The following ARHGEF10L variants were observed in gnomAD, a reference collection of about 807,000 sequenced individuals.
ARHGEF10L encodes Rho guanine nucleotide exchange factor 10 like.
A neutral mutation model predicts 141.2 loss-of-function variants in ARHGEF10L; 69 were observed. That is an observed-to-expected ratio of 0.49 (90% CI 0.40 to 0.60). The LOEUF (loss-of-function observed/expected upper bound fraction) is 0.60. ARHGEF10L is among the 20% of genes least tolerant of loss of function. The pLI is 0.00. For synonymous variants in ARHGEF10L, 711 were observed against 718.5 expected (o/e 0.99, Z 0.17); for missense variants, 1,482 against 1,734.3 (o/e 0.85, Z 2.58).
At chr1:17,632,547 G>A (rs376114429) in intron 16 of ARHGEF10L, 81 bp downstream of exon 16, 16 of 1,566,246 alleles carry the variant, frequency 1.0e-5, no homozygotes, top group South Asian at 2.3e-5. Context: ...TTGGCCGGCC[G>A]CACTACAGTG....
chr1:17,528,624 C>A, the ARHGEF10L span, among the ~76,000 whole-genome samples: 1 of 152,166 alleles, frequency 6.6e-6, no homozygotes, highest in Non-Finnish European at 1.5e-5. Flanking sequence ...ATCCATCCAT[C>A]CATCCTCCAT....
chr1:17,669,928 G>T (rs1007690963), intron 26 of ARHGEF10L, among the ~76,000 whole-genome samples: 1 of 152,152 alleles, frequency 6.6e-6, no homozygotes, highest in African/African-American at 2.4e-5. Context: ...CAGGGGAGGC[G>T]GGATCCCAGA....
At chr1:17,681,895 T>A (rs2064153013) in intron 26 of ARHGEF10L, among the ~76,000 whole-genome samples, 2 of 152,164 alleles carry the variant, frequency 1.3e-5, no homozygotes, top group African/African-American at 4.8e-5. Context: ...TAATTCTGCC[T>A]TGCCTTCTGC....
At position 17,673,244 on chromosome 1, in the gene ARHGEF10L, C is replaced by T. The variant is rs2063437508; in HGVS notation, c.3009+8649C>T. On this transcript the variant is annotated intron_variant, in intron 26 of 28. Transcript: ENST00000361221. The surrounding 1 kb of genome is among the most constrained non-coding windows in gnomAD (Gnocchi z 4.1). The stretch of plus-strand genomic sequence containing the variant: ...GGCAGTCCTGTCCTTGTGAGCCACC[C>T]CCCAGTCTTAGCTGGTAGCAGCCAG... Among the ~76,000 whole-genome samples, 1 of 152,050 alleles carries T rather than the reference C, an allele frequency of 6.6e-6. No homozygotes were observed. Among genetic ancestry groups the T allele is most frequent in the Admixed American group, 6.5e-5 (1 of 15,278 alleles).
At chr1:17,602,246 AC>A (rs1018450025) in intron 5 of ARHGEF10L, 28 bp downstream of exon 5, 2 of 1,549,854 alleles carry the variant, frequency 1.3e-6, no homozygotes, top group African/African-American at 2.7e-5. Context: ...CCCACCGCCC[AC>A]CCCAGGTAGC....
intron 9 of ARHGEF10L, among the ~76,000 whole-genome samples, chr1:17,617,782 G>A (rs2101285652): frequency 6.6e-6 from 1 of 152,252 alleles, no homozygotes; most frequent in South Asian, 2.1e-4. Context: ...TGGTGAGGAT[G>A]TCCTAGGTAG....
intron 4 of ARHGEF10L, among the ~76,000 whole-genome samples, chr1:17,592,898 C>A (rs960001683): frequency 6.6e-6 from 1 of 152,136 alleles, no homozygotes; most frequent in Non-Finnish European, 1.5e-5. Context: ...TTATGGGGAC[C>A]AGGTCTTTCT....
At position 17,619,728 on chromosome 1, in the gene ARHGEF10L, C is replaced by T. The variant is rs987891331; in HGVS notation, c.942+283C>T. Among the ~76,000 whole-genome samples the T allele has an allele frequency of 4.6e-5, 7 of 152,144 alleles. No homozygotes were observed. The highest frequency in any genetic ancestry group is 4.6e-4 in the Admixed American group (7 of 15,278). On this transcript the variant is annotated intron_variant, in intron 10 of 28. Coordinates refer to ENST00000361221, the MANE Select transcript of ARHGEF10L (RefSeq NM_018125.4). The surrounding 1 kb of genome is among the most constrained non-coding windows in gnomAD (Gnocchi z 5.0). ...CCAACTCCATGGCATGCAGAGCAGTCCCGTTGGCTGTTTCTGACTAAGGTG... is the reference window on the plus strand; with the variant it reads ...CCAACTCCATGGCATGCAGAGCAGTTCCGTTGGCTGTTTCTGACTAAGGTG...
the ARHGEF10L span, among the ~76,000 whole-genome samples, chr1:17,523,173 C>T: frequency 6.7e-6 from 1 of 150,030 alleles, no homozygotes; most frequent in Non-Finnish European, 1.5e-5. Flanking sequence ...GCAACGTCCA[C>T]CTCCTGAGTT....
intron 1 of ARHGEF10L, among the ~76,000 whole-genome samples, chr1:17,565,961 C>T (rs957788390): frequency 2.6e-5 from 4 of 152,082 alleles, no homozygotes; most frequent in Admixed American, 1.3e-4. Context: ...CACAGTCTAG[C>T]GGGGAGAGGC....
In ARHGEF10L at chr1:17,632,649, C is replaced by T. The variant is rs902140815; in HGVS notation, c.1730+183C>T. Among the ~76,000 whole-genome samples, 7 of 152,222 alleles carry T rather than the reference C, an allele frequency of 4.6e-5. 1 individual carries two copies. The East Asian group carries it at 1.2e-3, about 25-fold the overall frequency. On this transcript the variant is annotated intron_variant, in intron 16 of 28. Coordinates refer to ENST00000361221, the MANE Select transcript of ARHGEF10L (RefSeq NM_018125.4). ...ACTGGTCCCCAACGCTGGGAAGTAC[C>T]TGGAGCAGTCATCGGGGGCAGCCCT...
At chr1:17,515,079 G>A in the ARHGEF10L span, among the ~76,000 whole-genome samples, 1 of 152,150 alleles carries the variant, frequency 6.6e-6, no homozygotes, top group South Asian at 2.1e-4. Flanking sequence ...TGCCCAGCCT[G>A]CTTTCTTCAG....
intron 2 of ARHGEF10L, among the ~76,000 whole-genome samples, chr1:17,582,615 G>A (rs551232537): frequency 5.9e-5 from 9 of 152,318 alleles, no homozygotes; most frequent in East Asian, 5.8e-4. Context: ...TGGAATCCAC[G>A]CTTTAGTTGG....
chr1:17,603,996 TGGGCAGGC>T lies in ARHGEF10L; in HGVS notation c.433+406_433+413del, dbSNP rs1342425886. Among the ~76,000 whole-genome samples, 3 of 151,800 alleles carry T rather than the reference TGGGCAGGC, an allele frequency of 2.0e-5. No individual in the cohort carries two copies. Among genetic ancestry groups the T allele is most frequent in the Admixed American group, 2.0e-4 (3 of 15,258 alleles). On this transcript the variant is annotated intron_variant, in intron 6 of 28. Coordinates refer to ENST00000361221, the MANE Select transcript of ARHGEF10L (RefSeq NM_018125.4). This position sits in a 1 kb window ranked among gnomAD's most constrained non-coding sequence, Gnocchi z 4.8. ...CCCTGCTCTGGGTTGAGGGCTGAGG[TGGGCAGGC>T]AGGCAGGCGATTGTGGCCGCAGAAG... is the stretch of plus-strand genomic sequence containing the variant.
chr1:17,537,876 AAAG>A (rs1192300038), upstream of ARHGEF10L, among the ~76,000 whole-genome samples: 1 of 145,964 alleles, frequency 6.9e-6, no homozygotes, highest in Non-Finnish European at 1.5e-5. Flanking sequence ...AAAAAAAAAG[AAAG>A]AAAAGAAAAA....
At chr1:17,567,283 A>G (rs1020111734) in intron 1 of ARHGEF10L, among the ~76,000 whole-genome samples, 1 of 152,082 alleles carries the variant, frequency 6.6e-6, no homozygotes, top group African/African-American at 2.4e-5. Context: ...GTTACTTGGG[A>G]TGCTCCTGTG....
chr1:17,537,333 A>G (rs2076589227), upstream of ARHGEF10L, among the ~76,000 whole-genome samples: 2 of 152,188 alleles, frequency 1.3e-5, no homozygotes. Flanking sequence ...CTAGACCCAG[A>G]GGGTTATATT....
chr1:17,646,517 G>C (rs1419269746), intron 21 of ARHGEF10L, among the ~76,000 whole-genome samples: 2 of 152,152 alleles, frequency 1.3e-5, no homozygotes, highest in African/African-American at 4.8e-5. Context: ...GGGAGGTTTC[G>C]GCCTTCATAG....
chr1:17,544,816 A>C (rs886845612), intron 1 of ARHGEF10L, among the ~76,000 whole-genome samples: 10 of 152,194 alleles, frequency 6.6e-5, no homozygotes, highest in African/African-American at 2.4e-4. Flanking sequence ...ACAGTTCCAC[A>C]TGGCTGGGGA....
Sources: allele counts gnomAD v4.1 joint callset (sites outside exome capture counted in the v4.1 genomes callset), GRCh38; gene constraint gnomAD v4.1.1; non-coding constraint Gnocchi (gnomAD v3.1); transcripts MANE v1.5; gene names NCBI Gene and HGNC (gene_info 2026-07-23, HGNC 2026-07-21).